The following SEMA5A variants were observed in gnomAD, a reference collection of about 807,000 sequenced individuals.
SEMA5A encodes the protein semaphorin 5A.
In SEMA5A, 55 loss-of-function variants were observed where a neutral mutation model predicts 135.5. The ratio of observed to expected loss-of-function variants is 0.41; its 90% CI spans 0.33 to 0.51. The LOEUF is 0.51. SEMA5A is among the 20% of genes least tolerant of loss of function. SEMA5A has a pLI of 0.37. For synonymous variants in SEMA5A, 580 were observed against 546.5 expected, an observed-to-expected ratio of 1.06 and a Z score of -0.85; for missense variants, 1,290 against 1,419.9, an observed-to-expected ratio of 0.91 and a Z score of 1.47.
intron 8 of SEMA5A, among the ~76,000 whole-genome samples, chr5:9,215,000 C>T (rs1806027): frequency 1.7e-4 from 26 of 152,198 alleles, no homozygotes; most frequent in Admixed American, 7.8e-4. Flanking sequence ...GGGCAGGGAG[C>T]GATGCACAGT....
intron 2 of SEMA5A, among the ~76,000 whole-genome samples, chr5:9,401,246 C>T (rs1260224864): frequency 3.9e-5 from 6 of 152,202 alleles, no homozygotes; most frequent in African/African-American, 7.2e-5. Context: ...ATAAAAGTCG[C>T]GCCACACTGC....
intron 11 of SEMA5A, among the ~76,000 whole-genome samples, chr5:9,161,299 C>T (rs947393428): frequency 1.3e-5 from 2 of 152,024 alleles, no homozygotes; most frequent in African/African-American, 2.4e-5. Flanking sequence ...CAAAAACCCT[C>T]AAGCACTGAG....
chr5:9,439,076 G>A (rs569090825), intron 1 of SEMA5A, among the ~76,000 whole-genome samples: 4 of 152,244 alleles, frequency 2.6e-5, no homozygotes, highest in South Asian at 4.1e-4. Flanking sequence ...TGCCTGAGAC[G>A]CCCCAGCAGC....
chr5:9,048,440 T>C (rs569495489), intron 21 of SEMA5A, among the ~76,000 whole-genome samples: 1 of 152,358 alleles, frequency 6.6e-6, no homozygotes, highest in South Asian at 2.1e-4. Flanking sequence ...ATCAGTCATC[T>C]GGCATTAAAA....
intron 16 of SEMA5A, among the ~76,000 whole-genome samples, chr5:9,076,020 C>T (rs1478685018): frequency 6.6e-6 from 1 of 151,978 alleles, no homozygotes; most frequent in Non-Finnish European, 1.5e-5. Context: ...TCCTGGTCAA[C>T]ATGGTGAAAC....
intron 8 of SEMA5A, among the ~76,000 whole-genome samples, chr5:9,206,443 A>G (rs1406122234): frequency 6.6e-6 from 1 of 152,082 alleles, no homozygotes; most frequent in Non-Finnish European, 1.5e-5. Flanking sequence ...CCATATATGT[A>G]ATTACAAGTG....
intron 15 of SEMA5A, among the ~76,000 whole-genome samples, chr5:9,110,403 T>C (rs1234288427): frequency 6.6e-6 from 1 of 152,074 alleles, no homozygotes; most frequent in African/African-American, 2.4e-5. Context: ...GAAGAGCCCA[T>C]AGAACAAACA....
chr5:9,067,101 G>A (rs1350197310), intron 16 of SEMA5A, among the ~76,000 whole-genome samples: 1 of 152,194 alleles, frequency 6.6e-6, no homozygotes, highest in African/African-American at 2.4e-5. Flanking sequence ...TAGAGTGGTA[G>A]GGGAGCCACA....
intron 3 of SEMA5A, among the ~76,000 whole-genome samples, chr5:9,345,525 TAAA>T (rs60077732): frequency 4.1e-5 from 6 of 144,684 alleles, no homozygotes; most frequent in African/African-American, 7.6e-5. Flanking sequence ...TTCCAGGATG[TAAA>T]AAAAAAAAAA....
At chr5:9,538,029 T>C (rs1412967483) in intron 1 of SEMA5A, among the ~76,000 whole-genome samples, 1 of 152,140 alleles carries the variant, frequency 6.6e-6, no homozygotes, top group East Asian at 1.9e-4. Flanking sequence ...TGAGGAAGCC[T>C]GTGGCAGGAG....
chr5:9,111,942 GTTAAGGGTT>G (rs1740265515), intron 15 of SEMA5A, among the ~76,000 whole-genome samples: 1 of 148,288 alleles, frequency 6.7e-6, no homozygotes, highest in Admixed American at 6.8e-5. Flanking sequence ...GTATCTGCTG[GTTAAGGGTT>G]TTAAAATTAA....
At chr5:9,527,664 C>T (rs528809698) in intron 1 of SEMA5A, among the ~76,000 whole-genome samples, 2 of 148,350 alleles carry the variant, frequency 1.3e-5, no homozygotes, top group South Asian at 2.1e-4. Context: ...TTATGGAGTG[C>T]TCACTATGGA....
intron 1 of SEMA5A, among the ~76,000 whole-genome samples, chr5:9,443,905 A>G (rs1330825513): frequency 6.6e-6 from 1 of 152,252 alleles, no homozygotes; most frequent in African/African-American, 2.4e-5. Flanking sequence ...TGAAGAAATT[A>G]TAGGATGAAG....
chr5:9,104,546 A>G (rs932988049), intron 16 of SEMA5A, among the ~76,000 whole-genome samples: 5 of 152,228 alleles, frequency 3.3e-5, no homozygotes, highest in Non-Finnish European at 7.3e-5. Flanking sequence ...ATAAATGTCT[A>G]TGTTAGACTT....
At chr5:9,282,163 C>A (rs1035749264) in intron 5 of SEMA5A, among the ~76,000 whole-genome samples, 3 of 152,126 alleles carry the variant, frequency 2.0e-5, no homozygotes, top group African/African-American at 7.2e-5. Context: ...TTCCTTCCAC[C>A]TTTAACACAA....
intron 5 of SEMA5A, among the ~76,000 whole-genome samples, chr5:9,248,864 A>T (rs908414323): frequency 6.6e-6 from 1 of 152,186 alleles, no homozygotes; most frequent in Admixed American, 6.6e-5. Flanking sequence ...TTTTAGTCGC[A>T]TAAGAATTAA....
chr5:9,047,502 G>A (rs1230292639), intron 21 of SEMA5A, among the ~76,000 whole-genome samples: 1 of 152,102 alleles, frequency 6.6e-6, no homozygotes, highest in Admixed American at 6.6e-5. Context: ...CATTAAATTT[G>A]TTCTGAATGT....
chr5:9,293,257 C>T (rs935320103), intron 5 of SEMA5A, among the ~76,000 whole-genome samples: 2 of 152,176 alleles, frequency 1.3e-5, no homozygotes, highest in Admixed American at 6.5e-5. Flanking sequence ...TTTTTGTCAA[C>T]ACGGTTTATA....
At chr5:9,194,633 T>C (rs1745292295) in intron 10 of SEMA5A, among the ~76,000 whole-genome samples, 1 of 152,248 alleles carries the variant, frequency 6.6e-6, no homozygotes, top group Non-Finnish European at 1.5e-5. Context: ...AAACACTTGC[T>C]GTGTACTTGT....
Sources: allele counts gnomAD v4.1 joint callset (sites outside exome capture counted in the v4.1 genomes callset), GRCh38; gene constraint gnomAD v4.1.1; transcripts MANE v1.5; gene names NCBI Gene and HGNC (gene_info 2026-07-23, HGNC 2026-07-21).